AP2B1: variants seen among roughly 807,000 people sequenced by gnomAD.
The protein encoded by AP2B1 is adaptor related protein complex 2 subunit beta 1, also known as AP-2 complex subunit beta.
A neutral mutation model predicts 102.0 loss-of-function variants in AP2B1; 23 were observed. The ratio of observed to expected loss-of-function variants is 0.23; its 90% CI spans 0.16 to 0.32. AP2B1 has a LOEUF of 0.32. Ranked by LOEUF, AP2B1 falls within the 10% of genes least tolerant of loss-of-function variation. AP2B1 has a pLI of 1.00. For missense variants in AP2B1, 541 were observed against 1,157.4 expected (o/e 0.47, Z 7.73); for synonymous variants, 381 against 421.2 (o/e 0.90, Z 1.17).
intron 21 of AP2B1, among the ~76,000 whole-genome samples, chr17:35,721,941 G>A (rs2085405451): frequency 6.6e-6 from 1 of 152,152 alleles, no homozygotes; most frequent in Non-Finnish European, 1.5e-5. Context: ...TAGAGAAGGA[G>A]GTACAAGAAT....
chr17:35,692,120 T>C (rs2076053929), intron 18 of AP2B1, among the ~76,000 whole-genome samples: 1 of 152,144 alleles, frequency 6.6e-6, no homozygotes, highest in Non-Finnish European at 1.5e-5. Flanking sequence ...ACATAAGCAA[T>C]CGGCAAGAGT....
At chr17:35,658,076 A>ATCTCT (rs2075273508) in intron 14 of AP2B1, among the ~76,000 whole-genome samples, 2 of 152,162 alleles carry the variant, frequency 1.3e-5, no homozygotes. Flanking sequence ...TTTAATGTTT[A>ATCTCT]GTATCTTTTC....
chr17:35,685,782 G>C (rs1029958278), intron 18 of AP2B1, among the ~76,000 whole-genome samples: 50 of 151,154 alleles, frequency 3.3e-4, no homozygotes, highest in Non-Finnish European at 2.9e-5. Context: ...TCTTCTTTGA[G>C]ATGGAGTTTC....
chr17:35,681,880 A>G (rs1226906583), intron 17 of AP2B1, among the ~76,000 whole-genome samples: 1 of 152,210 alleles, frequency 6.6e-6, no homozygotes, highest in Admixed American at 6.5e-5. Flanking sequence ...CCTCAAATTC[A>G]TTTAATGGAA....
intron 9 of AP2B1, among the ~76,000 whole-genome samples, chr17:35,634,641 TTATC>T (rs1206325814): frequency 4.6e-5 from 7 of 152,238 alleles, no homozygotes; most frequent in Non-Finnish European, 8.8e-5. Flanking sequence ...AAATTGTTGT[TTATC>T]TAATGCCATA....
At chr17:35,718,301 A>G (rs2085240468) in intron 21 of AP2B1, among the ~76,000 whole-genome samples, 1 of 145,216 alleles carries the variant, frequency 6.9e-6, no homozygotes, top group East Asian at 2.1e-4. Flanking sequence ...CCTTGTAGTA[A>G]GTTGGAGTAG....
intron 18 of AP2B1, among the ~76,000 whole-genome samples, chr17:35,686,462 C>T (rs1363786757): frequency 1.6e-4 from 25 of 152,070 alleles, no homozygotes; most frequent in Admixed American, 1.6e-3. Flanking sequence ...AAGTCAGTGT[C>T]TGCAAGGAGA....
chr17:35,720,537 TA>T (rs2085329203), intron 21 of AP2B1, among the ~76,000 whole-genome samples: 1 of 130,920 alleles, frequency 7.6e-6, no homozygotes, highest in African/African-American at 2.9e-5. Flanking sequence ...CATATATTTT[TA>T]TTTTATTTAT....
chr17:35,627,847 G>T, intron 9 of AP2B1, 121 bp downstream of exon 9: 1 of 788,810 alleles, frequency 1.3e-6, no homozygotes, highest in East Asian at 2.9e-5. Flanking sequence ...CAATGTTAAA[G>T]AATTTTTAAT....
chr17:35,652,781 A>G lies in AP2B1; in HGVS notation c.1796+1992A>G, dbSNP rs112603941. Among the ~76,000 whole-genome samples the G allele has an allele frequency of 7.3e-3, 1,111 of 152,276 alleles. 7 individuals are homozygous for G. Among genetic ancestry groups the G allele is most frequent in the Non-Finnish European group, 0.011 (761 of 68,008 alleles). ...TTCCTTTCCATTAGAGTGAAGAAAAATATGTGCATGATACCTATTCTACCT... is the reference window on the plus strand; with the variant it reads ...TTCCTTTCCATTAGAGTGAAGAAAAGTATGTGCATGATACCTATTCTACCT... On this transcript the variant is annotated intron_variant, in intron 13 of 21. Coordinates refer to ENST00000610402, the MANE Select transcript of AP2B1 (RefSeq NM_001030006.2).
chr17:35,674,400 C>G (rs2075655085), intron 17 of AP2B1, 79 bp downstream of exon 17: 1 of 1,540,622 alleles, frequency 6.5e-7, no homozygotes, highest in African/African-American at 1.4e-5. Context: ...CCATTTAGCA[C>G]TGGTTAAAAA....
chr17:35,638,823 T>TA (rs2074686729), intron 10 of AP2B1, among the ~76,000 whole-genome samples: 1 of 150,182 alleles, frequency 6.7e-6, no homozygotes, highest in Admixed American at 6.6e-5. Flanking sequence ...CTCTCTTTTA[T>TA]AAAAAGCAGA....
intron 13 of AP2B1, among the ~76,000 whole-genome samples, 160 bp from the exon 14 acceptor site, chr17:35,657,439 T>C (rs894531057): frequency 6.6e-6 from 1 of 152,252 alleles, no homozygotes; most frequent in Non-Finnish European, 1.5e-5. Context: ...ATTGCTATTA[T>C]CTCTTCATGA....
intron 12 of AP2B1, among the ~76,000 whole-genome samples, chr17:35,649,683 C>A (rs184416618): frequency 9.9e-5 from 15 of 152,254 alleles, no homozygotes; most frequent in African/African-American, 3.6e-4. Context: ...TAGGATTAAC[C>A]CATCTTAATT....
chr17:35,611,109 G>A (rs539404724), intron 5 of AP2B1, among the ~76,000 whole-genome samples: 4 of 152,214 alleles, frequency 2.6e-5, no homozygotes, highest in South Asian at 4.1e-4. Context: ...TCTAAAGTTA[G>A]TAGTATCTAC....
Position 35,592,030 on chromosome 17 carries a change from A to G in AP2B1, c.-23-1978A>G, listed in dbSNP as rs138430906. Among the ~76,000 whole-genome samples the G allele has an allele frequency of 7.3e-3, 1,113 of 152,312 alleles. 11 individuals carry two copies. Among genetic ancestry groups the G allele is most frequent in the South Asian group, 0.05 (243 of 4,820 alleles). On this transcript the variant is annotated intron_variant, in intron 1 of 21. Coordinates refer to ENST00000610402, the MANE Select transcript of AP2B1 (RefSeq NM_001030006.2). ...TAATTAGCTGGTTGGAAAGATAGCA[A>G]ATGAGTCTAATTTCCATTAAACTGT...
chr17:35,669,288 C>T (rs1306365704), intron 14 of AP2B1, among the ~76,000 whole-genome samples: 2 of 151,964 alleles, frequency 1.3e-5, no homozygotes, highest in Non-Finnish European at 2.9e-5. Context: ...GGATTACAGG[C>T]GCCTGCCACC....
intron 11 of AP2B1, among the ~76,000 whole-genome samples, chr17:35,641,579 GTAA>G (rs1370759011): frequency 6.6e-6 from 1 of 151,912 alleles, no homozygotes; most frequent in Non-Finnish European, 1.5e-5. Flanking sequence ...AATAATAATA[GTAA>G]TAATAATAAT....
At chr17:35,651,283 TA>T (rs58170702) in intron 13 of AP2B1, among the ~76,000 whole-genome samples, 6,288 of 149,308 alleles carry the variant, frequency 0.042, 154 homozygotes, top group African/African-American at 0.068. Context: ...TTGTTTTATT[TA>T]AAAAAAAAAG....
Sources: allele counts gnomAD v4.1 joint callset (sites outside exome capture counted in the v4.1 genomes callset), GRCh38; gene constraint gnomAD v4.1.1; transcripts MANE v1.5; gene names NCBI Gene and HGNC (gene_info 2026-07-23, HGNC 2026-07-21).